Variants in SERGEF observed in about 807,000 individuals in gnomAD.
SERGEF encodes secretion-regulating guanine nucleotide exchange factor.
SERGEF carries 51 observed loss-of-function variants against 50.0 expected under a neutral mutation model. The observed-to-expected ratio is 1.02, with a 90% CI of 0.81 to 1.29. The LOEUF (loss-of-function observed/expected upper bound fraction) is 1.29. Among genes scored for constraint, SERGEF ranks in the 50% most tolerant of loss-of-function variants. The pLI, the probability that SERGEF is intolerant of heterozygous loss-of-function variation, is 0.00. For missense variants in SERGEF, 521 were observed against 557.0 expected (o/e 0.94, Z 0.65); for synonymous variants, 205 against 212.4 (o/e 0.97, Z 0.30).
chr11:17,933,059 T>C (rs1317936110), intron 9 of SERGEF, among the ~76,000 whole-genome samples: 3 of 152,106 alleles, frequency 2.0e-5, no homozygotes, highest in Non-Finnish European at 4.4e-5. Context: ...AATGTTATCA[T>C]CCAAATGCAA....
In SERGEF at chr11:17,992,995, T is replaced by C; in HGVS notation, c.623-2A>G. 1.2e-6 allele frequency: 2 copies of C among 1,613,392 alleles called. No homozygotes were observed. The highest frequency in any genetic ancestry group is 1.7e-6 in the Non-Finnish European group (2 of 1,179,434). On this transcript the variant is annotated splice_acceptor_variant, in intron 6 of 10. Transcript: ENST00000265965. LOFTEE classifies it high-confidence loss of function. ...ACATTGCTTTAGAATTCTCTAGACC[T>C]ACAAAAGAAAAAATGTTCTTCTGAA...
At chr11:17,963,591 G>A (rs1304585961) in intron 8 of SERGEF, among the ~76,000 whole-genome samples, 1 of 151,730 alleles carries the variant, frequency 6.6e-6, no homozygotes, top group Non-Finnish European at 1.5e-5. Flanking sequence ...TTGCCATGTT[G>A]GCCAGGCTGG....
intron 10 of SERGEF, among the ~76,000 whole-genome samples, chr11:17,825,884 T>C (rs551093339): frequency 7.2e-5 from 11 of 152,290 alleles, no homozygotes; most frequent in Admixed American, 2.0e-4. Flanking sequence ...ACAGGGTTCC[T>C]TTCTTGGTGT....
intron 9 of SERGEF, among the ~76,000 whole-genome samples, chr11:17,922,029 A>C (rs887006941): frequency 3.3e-5 from 5 of 152,134 alleles, no homozygotes; most frequent in African/African-American, 1.2e-4. Flanking sequence ...ACCAAGCCTC[A>C]TGGACTTGTC....
chr11:17,970,237 T>C (rs1358539097), intron 8 of SERGEF, among the ~76,000 whole-genome samples: 1 of 152,246 alleles, frequency 6.6e-6, no homozygotes, highest in Non-Finnish European at 1.5e-5. Context: ...ATTTTTGCAA[T>C]ATTTCAAACT....
chr11:17,858,955 C>T (rs757776660), intron 10 of SERGEF, among the ~76,000 whole-genome samples: 6 of 152,126 alleles, frequency 3.9e-5, no homozygotes, highest in Non-Finnish European at 7.4e-5. Context: ...ACCCTGACCT[C>T]GTTGTTTTTC....
At chr11:17,922,579 T>C (rs1361040520) in intron 9 of SERGEF, among the ~76,000 whole-genome samples, 1 of 152,204 alleles carries the variant, frequency 6.6e-6, no homozygotes, top group Non-Finnish European at 1.5e-5. Flanking sequence ...GTTTTTGGCG[T>C]ACTATGTGGT....
intron 1 of SERGEF, 175 bp downstream of exon 1, chr11:18,012,776 C>T: frequency 9.8e-7 from 1 of 1,023,336 alleles, no homozygotes; most frequent in Non-Finnish European, 1.4e-6. Flanking sequence ...CCCTTCCTTC[C>T]CCGCCCGCCC....
intron 8 of SERGEF, among the ~76,000 whole-genome samples, chr11:17,975,545 C>T (rs1853352413): frequency 6.6e-6 from 1 of 152,162 alleles, no homozygotes; most frequent in South Asian, 2.1e-4. Flanking sequence ...TCCCACCCAT[C>T]TCCCCATCTC....
chr11:17,852,513 A>G (rs1287081356), intron 10 of SERGEF, among the ~76,000 whole-genome samples: 3 of 152,092 alleles, frequency 2.0e-5, no homozygotes, highest in South Asian at 2.1e-4. Context: ...CACCCCCTCC[A>G]TTTGGCTCAG....
chr11:18,010,360 C>T (rs769786410), intron 1 of SERGEF: 2 of 194,148 alleles, frequency 1.0e-5, no homozygotes, highest in Admixed American at 1.1e-4. Context: ...CCATACTGTG[C>T]ATTCACCTTT....
rs1851735136 is a variant in SERGEF at position 17,900,769 on chromosome 11, G to T, written c.1012-22525C>A. On this transcript the variant is annotated intron_variant, in intron 9 of 10. Transcript: ENST00000265965. Reference sequence around the variant, plus strand: ...TTTATGTGTGTGGAAGCATACAATGGGGAGACTGGCCTTAGGAAATACCAA... The same window carrying T: ...TTTATGTGTGTGGAAGCATACAATGTGGAGACTGGCCTTAGGAAATACCAA... Among the ~76,000 whole-genome samples the T allele has an allele frequency of 2.0e-5, 3 of 152,232 alleles. No homozygotes were observed. In the South Asian group the frequency reaches 6.2e-4, roughly 32 times the overall value.
chr11:17,881,674 C>A (rs1851333210), intron 9 of SERGEF, among the ~76,000 whole-genome samples: 1 of 152,174 alleles, frequency 6.6e-6, no homozygotes, highest in Non-Finnish European at 1.5e-5. Context: ...GCTCTGAGAC[C>A]TAAAGGGCAA....
intron 10 of SERGEF, among the ~76,000 whole-genome samples, chr11:17,790,763 A>G (rs1590114836): frequency 6.6e-6 from 1 of 152,224 alleles, no homozygotes; most frequent in East Asian, 1.9e-4. Context: ...ATTCTCATCA[A>G]CAATAGATAT....
intron 1 of SERGEF, among the ~76,000 whole-genome samples, chr11:18,011,121 C>T (rs930982338): frequency 4.1e-5 from 6 of 145,242 alleles, no homozygotes; most frequent in East Asian, 2.0e-4. Context: ...ACATATCACA[C>T]GTGCACATGC....
At chr11:17,841,720 A>G (rs187375217) in intron 10 of SERGEF, among the ~76,000 whole-genome samples, 1 of 152,310 alleles carries the variant, frequency 6.6e-6, no homozygotes, top group Admixed American at 6.5e-5. Flanking sequence ...GCTTAGAATA[A>G]AAAGAAAAGA....
intron 9 of SERGEF, among the ~76,000 whole-genome samples, chr11:17,943,263 G>A (rs1369045120): frequency 6.6e-6 from 1 of 152,092 alleles, no homozygotes; most frequent in African/African-American, 2.4e-5. Context: ...TAGACATACA[G>A]ATATTCTGAT....
chr11:17,996,651 G>A (rs925632084), intron 5 of SERGEF, among the ~76,000 whole-genome samples: 1 of 152,130 alleles, frequency 6.6e-6, no homozygotes, highest in Non-Finnish European at 1.5e-5. Flanking sequence ...GCAACATTAA[G>A]GTTCTGCTCC....
rs557495706 is a variant in SERGEF at position 17,905,972 on chromosome 11, G to C, written c.1012-27728C>G. ...CAAGGCAGTCCTGAGACCAGCATGG[G>C]AGGCCACTAGCATCTTCCCTTCATT... On this transcript the variant is annotated intron_variant, in intron 9 of 10. Coordinates refer to ENST00000265965, the MANE Select transcript of SERGEF (RefSeq NM_012139.4). Among the ~76,000 whole-genome samples the C allele has an allele frequency of 4.6e-5, 7 of 152,258 alleles. No individual in the cohort carries two copies. The South Asian group carries it at 1.5e-3, about 32-fold the overall frequency.
Sources: allele counts gnomAD v4.1 joint callset (sites outside exome capture counted in the v4.1 genomes callset), GRCh38; gene constraint gnomAD v4.1.1; transcripts MANE v1.5; gene names NCBI Gene and HGNC (gene_info 2026-07-23, HGNC 2026-07-21).